The following HDAC4 variants were observed in gnomAD, a reference collection of about 807,000 sequenced individuals.
The protein encoded by HDAC4 is histone deacetylase 4.
Under a neutral mutation model 135.1 loss-of-function variants are expected in HDAC4, and 16 were observed. The observed-to-expected ratio is 0.12, with a 90% CI of 0.08 to 0.18. The LOEUF (loss-of-function observed/expected upper bound fraction) is 0.18, where lower values mean the gene tolerates loss of function less well. Among genes scored for constraint, HDAC4 ranks in the 10% least tolerant of loss-of-function variants. HDAC4 has a pLI of 1.00. For missense variants in HDAC4, 1,143 were observed against 1,511.8 expected (o/e 0.76, Z 4.05); for synonymous variants, 685 against 653.4 (o/e 1.05, Z -0.74).
intron 18 of HDAC4, among the ~76,000 whole-genome samples, chr2:239,089,466 T>C (rs905621458): frequency 1.2e-4 from 18 of 152,150 alleles, no homozygotes; most frequent in Admixed American, 6.5e-5. Context: ...TAGCTGGGAT[T>C]ATAGGCATGC....
intron 2 of HDAC4, among the ~76,000 whole-genome samples, chr2:239,258,913 T>G (rs939675069): frequency 1.3e-5 from 2 of 152,146 alleles, no homozygotes; most frequent in Non-Finnish European, 2.9e-5. Context: ...CCCAAACACA[T>G]GCTTTTCACA....
chr2:239,149,013 G>A (rs925307026), intron 7 of HDAC4, among the ~76,000 whole-genome samples: 3 of 152,240 alleles, frequency 2.0e-5, no homozygotes, highest in African/African-American at 7.2e-5. Context: ...CTGTAATAAC[G>A]CAGGCGGGAC....
In HDAC4 at chr2:239,307,468, C is replaced by T. The variant is rs1311746152; in HGVS notation, c.22+45210G>A. ...CCAAGTGGCTACAAAAGGGAACCCC[C>T]CTCCCACCACTAATCAGGGACCTGC... On this transcript the variant is annotated intron_variant, in intron 2 of 26. Transcript: ENST00000543185. This position sits in a 1 kb window ranked among gnomAD's most constrained non-coding sequence, Gnocchi z 4.8. Among the ~76,000 whole-genome samples the T allele has an allele frequency of 6.6e-6, 1 of 152,096 alleles. No homozygotes were observed. Among genetic ancestry groups the T allele is most frequent in the South Asian group, 2.1e-4 (1 of 4,824 alleles).
rs59323500 is a variant in HDAC4, at chr2:239,245,603, T to A, written c.23-8939A>T. Among the ~76,000 whole-genome samples, 1 of 151,890 alleles carries A rather than the reference T, an allele frequency of 6.6e-6. No individual in the cohort carries two copies. Among genetic ancestry groups the A allele is most frequent in the Admixed American group, 6.6e-5 (1 of 15,252 alleles). ...GATCGGTTTTAAATTCTCCAGAAAA[T>A]AAAGGTGTGGAGAGATGAAGTGGTC... is the stretch of plus-strand genomic sequence containing the variant. On this transcript the variant is annotated intron_variant, in intron 2 of 26. Coordinates refer to ENST00000543185, the MANE Select transcript of HDAC4 (RefSeq NM_001378414.1). The surrounding 1 kb of genome is among the most constrained non-coding windows in gnomAD (Gnocchi z 4.4).
intron 2 of HDAC4, among the ~76,000 whole-genome samples, chr2:239,264,116 A>G (rs2049561267): frequency 6.6e-6 from 1 of 152,134 alleles, no homozygotes; most frequent in African/African-American, 2.4e-5. Flanking sequence ...CCAGGCGGGG[A>G]GCTCGTGGGG....
rs149051649 is a variant in HDAC4 at position 239,182,964 on chromosome 2, G to A, written c.340-6401C>T. ...CAGGCTTCGAAAAACAGGACTTTGA[G>A]ATGCGCTTATTTTTAAGTTAGCTAA... On this transcript the variant is annotated intron_variant, in intron 4 of 26. Coordinates refer to ENST00000543185, the MANE Select transcript of HDAC4 (RefSeq NM_001378414.1). Among the ~76,000 whole-genome samples the A allele has an allele frequency of 5.3e-5, 8 of 152,348 alleles. No homozygotes were observed. The East Asian group carries it at 1.2e-3, about 22-fold the overall frequency.
At chr2:239,317,687 A>G (rs2053164910) in intron 2 of HDAC4, among the ~76,000 whole-genome samples, 2 of 152,202 alleles carry the variant, frequency 1.3e-5, no homozygotes, top group Admixed American at 6.5e-5. Flanking sequence ...AATAAGGAGG[A>G]AAGGAAAGCT....
chr2:239,231,615 C>T (rs192593486), intron 3 of HDAC4, among the ~76,000 whole-genome samples: 1 of 125,264 alleles, frequency 8.0e-6, no homozygotes, highest in East Asian at 3.4e-4. Context: ...GGTTTGCTCC[C>T]GGATGCCTGA....
intron 2 of HDAC4, among the ~76,000 whole-genome samples, chr2:239,338,914 C>G (rs11884598): frequency 0.34 from 51,236 of 152,118 alleles, 9,608 homozygotes; most frequent in Non-Finnish European, 0.43. Flanking sequence ...GGTTCGGTTC[C>G]CCAGTGGCTG....
At chr2:239,091,640 G>A (rs1267433775) in intron 17 of HDAC4, 1 of 152,254 alleles carries the variant, frequency 6.6e-6, no homozygotes, top group Non-Finnish European at 1.5e-5. Context: ...ATTATGTGGG[G>A]AGGGAGGATT....
chr2:239,185,094 C>T (rs2044456724), intron 4 of HDAC4, among the ~76,000 whole-genome samples: 1 of 107,454 alleles, frequency 9.3e-6, no homozygotes, highest in Admixed American at 1.2e-4. Context: ...CCCTCGGTGA[C>T]TACCCTGGAG....
In HDAC4 at chr2:239,382,655, G is replaced by A. The variant is rs546841974; in HGVS notation, c.-220+18323C>T. ...AGGGGAGAAACAGCCCAGGGGTCCT[G>A]TGGGTGGGGCCAGGCCAGGAAAAGC... On this transcript the variant is annotated intron_variant, in intron 1 of 26. Transcript: ENST00000543185. Among the ~76,000 whole-genome samples, 6 of 152,258 alleles carry A rather than the reference G, an allele frequency of 3.9e-5. No homozygotes were observed. In the South Asian group the frequency reaches 1.2e-3, roughly 32 times the overall value.
At position 239,183,456 on chromosome 2, in the gene HDAC4, G is replaced by A. The variant is rs115871423; in HGVS notation, c.339+6377C>T. On this transcript the variant is annotated intron_variant, in intron 4 of 26. Transcript: ENST00000543185. ...TGGACGCCACGGACGGTAAGCTGCC[G>A]CCCATGGATGGGAACACCAGGTGCA... 4.6e-3 allele frequency among the ~76,000 whole-genome samples: 701 copies of A among 152,334 alleles called. 6 individuals are homozygous for A. The highest frequency in any genetic ancestry group is 0.016 in the African/African-American group (652 of 41,576).
chr2:239,178,637 G>A lies in HDAC4; in HGVS notation c.340-2074C>T, dbSNP rs532439587. The stretch of plus-strand genomic sequence containing the variant: ...GGGCTCACGTGATCCTCCCGCCTTA[G>A]CTTCCTAAAGCTCTGGGATTACGAG... On this transcript the variant is annotated intron_variant, in intron 4 of 26. Coordinates refer to ENST00000543185, the MANE Select transcript of HDAC4 (RefSeq NM_001378414.1). 4.6e-5 allele frequency among the ~76,000 whole-genome samples: 7 copies of A among 152,360 alleles called. No homozygotes were observed. In the East Asian group the frequency reaches 1.3e-3, roughly 29 times the overall value.
chr2:239,340,257 C>T (rs1026756903), intron 2 of HDAC4, among the ~76,000 whole-genome samples: 1 of 152,226 alleles, frequency 6.6e-6, no homozygotes, highest in African/African-American at 2.4e-5. Flanking sequence ...CAGCCCCACC[C>T]GTCTTCCTGA....
chr2:239,388,920 C>A lies in HDAC4; in HGVS notation c.-220+12058G>T, dbSNP rs531424301. Among the ~76,000 whole-genome samples the A allele has an allele frequency of 3.1e-3, 465 of 152,324 alleles. 3 individuals carry two copies. The highest frequency in any genetic ancestry group is 4.6e-3 in the Non-Finnish European group (310 of 68,034). On this transcript the variant is annotated intron_variant, in intron 1 of 26. Transcript: ENST00000543185. ...GTTTTCCCAGGAAGCAGCAGAGACA[C>A]AGGGAGGCCACTGTGTGTTAGTCTC...
chr2:239,068,675 A>G lies in HDAC4; in HGVS notation c.2751-68T>C. The G allele has an allele frequency of 7.3e-7, 1 of 1,366,774 alleles. No individual in the cohort carries two copies. The highest frequency in any genetic ancestry group is 1.2e-5 in the South Asian group (1 of 86,070). 84.7% of individuals were successfully genotyped at this position (1,366,774 alleles called of 1,614,324 possible). A position where few individuals can be genotyped will look rare whatever the true frequency, so the allele number is the denominator to read the frequency against. On this transcript the variant is annotated intron_variant, in intron 22 of 26. Transcript: ENST00000543185. The surrounding 1 kb of genome is among the most constrained non-coding windows in gnomAD (Gnocchi z 4.4). The stretch of plus-strand genomic sequence containing the variant: ...GGGACGGGACGGTCACAAAACCCCA[A>G]GGTTCCCTCTGGCATTGATAATGCC...
rs138561987 is a variant in HDAC4, at chr2:239,286,803, C to T, written c.23-50139G>A. On this transcript the variant is annotated intron_variant, in intron 2 of 26. Transcript: ENST00000543185. ...CCAAGGATGAGAAGAATACACCAAA[C>T]GTGATGAAAGGAGAAAAAGAAAACT... Among the ~76,000 whole-genome samples, 140 of 152,222 alleles carry T rather than the reference C, an allele frequency of 9.2e-4. No homozygotes were observed. In the East Asian group the frequency reaches 9.3e-3, roughly 10 times the overall value.
intron 2 of HDAC4, among the ~76,000 whole-genome samples, chr2:239,314,794 C>A (rs778647073): frequency 9.9e-5 from 15 of 152,178 alleles, no homozygotes; most frequent in Non-Finnish European, 2.1e-4. Flanking sequence ...TGCTAACACA[C>A]ATCTGTAAAC....
Sources: allele counts gnomAD v4.1 joint callset (sites outside exome capture counted in the v4.1 genomes callset), GRCh38; gene constraint gnomAD v4.1.1; non-coding constraint Gnocchi (gnomAD v3.1); transcripts MANE v1.5; gene names NCBI Gene and HGNC (gene_info 2026-07-23, HGNC 2026-07-21).